PLCB1: variants seen among roughly 807,000 people sequenced by gnomAD.
PLCB1 encodes phospholipase C beta 1.
Under a neutral mutation model 161.8 loss-of-function variants are expected in PLCB1, and 46 were observed. The observed-to-expected ratio is 0.28, with a 90% CI of 0.22 to 0.36. The LOEUF (loss-of-function observed/expected upper bound fraction) is 0.36. Ranked by LOEUF, PLCB1 falls within the 10% of genes least tolerant of loss-of-function variation. PLCB1 has a pLI of 1.00. For missense variants in PLCB1, 1,016 were observed against 1,472.5 expected (o/e 0.69, Z 5.07); for synonymous variants, 517 against 503.7 (o/e 1.03, Z -0.35).
rs558810310 is a variant in PLCB1 at position 8,678,647 on chromosome 20, G to T, written c.863-6285G>T. ...ACATCAAGAGCAAATCACACAGGTG[G>T]CTTCTTAGCTCCCCTTGGTGACTCC... On this transcript the variant is annotated intron_variant, in intron 9 of 31. Transcript: ENST00000338037. Among the ~76,000 whole-genome samples, 7 of 152,276 alleles carry T rather than the reference G, an allele frequency of 4.6e-5. No individual in the cohort carries two copies. The South Asian group carries it at 1.4e-3, about 32-fold the overall frequency.
At chr20:8,175,914 G>A (rs1025486571) in intron 2 of PLCB1, among the ~76,000 whole-genome samples, 1 of 152,148 alleles carries the variant, frequency 6.6e-6, no homozygotes, top group African/African-American at 2.4e-5. Flanking sequence ...TGGCACATAA[G>A]CATATGAAAA....
chr20:8,162,722 C>T (rs990471356), intron 2 of PLCB1, among the ~76,000 whole-genome samples: 16 of 152,142 alleles, frequency 1.1e-4, no homozygotes, highest in Admixed American at 2.0e-4. Flanking sequence ...AAACAATGCA[C>T]CTGTGTGAAA....
At chr20:8,791,339 T>A (rs894712685) in intron 31 of PLCB1, among the ~76,000 whole-genome samples, 1 of 152,118 alleles carries the variant, frequency 6.6e-6, no homozygotes, top group Non-Finnish European at 1.5e-5. Context: ...ACTAATAAAG[T>A]GGAATAAATT....
chr20:8,385,092 T>C (rs1987384588), intron 3 of PLCB1, among the ~76,000 whole-genome samples: 1 of 152,216 alleles, frequency 6.6e-6, no homozygotes, highest in Non-Finnish European at 1.5e-5. Flanking sequence ...AGAAACCCAC[T>C]CTTCTGGGCT....
At chr20:8,667,704 G>C (rs888597365) in intron 9 of PLCB1, among the ~76,000 whole-genome samples, 11 of 152,154 alleles carry the variant, frequency 7.2e-5, no homozygotes, top group Non-Finnish European at 1.3e-4. Context: ...ACAGTAAAAG[G>C]CAAAATCAAA....
At chr20:8,138,616 GC>G (rs1298490696) in intron 1 of PLCB1, among the ~76,000 whole-genome samples, 2 of 152,120 alleles carry the variant, frequency 1.3e-5, no homozygotes, top group African/African-American at 4.8e-5. Flanking sequence ...CCTAAGCAGA[GC>G]CTTGTGCCCC....
chr20:8,724,290 A>C (rs1015792415), intron 15 of PLCB1, among the ~76,000 whole-genome samples: 2 of 152,146 alleles, frequency 1.3e-5, no homozygotes, highest in Admixed American at 1.3e-4. Context: ...GCTATAGCTC[A>C]GTGCTTCTCA....
intron 3 of PLCB1, among the ~76,000 whole-genome samples, chr20:8,438,680 T>C (rs1315394148): frequency 6.6e-6 from 1 of 152,180 alleles, no homozygotes; most frequent in African/African-American, 2.4e-5. Context: ...CCTGGCCAAG[T>C]ACCCCCTAGC....
At chr20:8,727,286 TG>T (rs1324812966) in intron 16 of PLCB1, 22 bp from the exon 17 acceptor site, 1 of 1,292,586 alleles carries the variant, frequency 7.7e-7, no homozygotes, top group Admixed American at 1.9e-5. Context: ...TCCCCTTTTT[TG>T]TTTTGTTGTT....
At chr20:8,534,930 T>C (rs1323759546) in intron 3 of PLCB1, among the ~76,000 whole-genome samples, 1 of 152,076 alleles carries the variant, frequency 6.6e-6, no homozygotes, top group Non-Finnish European at 1.5e-5. Flanking sequence ...TGCATCATGT[T>C]GAAACAATTT....
intron 2 of PLCB1, among the ~76,000 whole-genome samples, chr20:8,236,301 C>A (rs528657622): frequency 5.9e-5 from 9 of 152,144 alleles, no homozygotes; most frequent in East Asian, 1.9e-4. Context: ...GAGGCTGAGG[C>A]AAGAGGATGG....
intron 3 of PLCB1, among the ~76,000 whole-genome samples, chr20:8,408,539 G>A (rs779492399): frequency 3.5e-4 from 53 of 151,724 alleles, no homozygotes; most frequent in Non-Finnish European, 5.2e-4. Context: ...AGATTATGGC[G>A]ACATAAATAT....
chr20:8,768,378 G>T (rs1336910762), intron 26 of PLCB1, among the ~76,000 whole-genome samples: 1 of 151,918 alleles, frequency 6.6e-6, no homozygotes, highest in Non-Finnish European at 1.5e-5. Flanking sequence ...GTGTGTCTTG[G>T]TCCAAATTTC....
At chr20:8,236,935 C>T (rs1262939560) in intron 2 of PLCB1, among the ~76,000 whole-genome samples, 1 of 151,936 alleles carries the variant, frequency 6.6e-6, no homozygotes, top group African/African-American at 2.4e-5. Context: ...TATTTTCACC[C>T]ATAAAATTTC....
chr20:8,306,889 A>G (rs1309752449), intron 2 of PLCB1, among the ~76,000 whole-genome samples: 1 of 152,244 alleles, frequency 6.6e-6, no homozygotes, highest in Non-Finnish European at 1.5e-5. Flanking sequence ...CAAATCCTCA[A>G]GAATTAAGCT....
At chr20:8,845,145 A>G (rs1322134109) in intron 31 of PLCB1, among the ~76,000 whole-genome samples, 1 of 152,096 alleles carries the variant, frequency 6.6e-6, no homozygotes, top group African/African-American at 2.4e-5. Context: ...AAAATAAAGT[A>G]CTAGATTATG....
intron 3 of PLCB1, among the ~76,000 whole-genome samples, chr20:8,455,224 A>G (rs1981248907): frequency 6.7e-6 from 1 of 149,706 alleles, no homozygotes; most frequent in Non-Finnish European, 1.5e-5. Context: ...GCTACTTGGG[A>G]GGCTGAGGGA....
intron 3 of PLCB1, among the ~76,000 whole-genome samples, chr20:8,583,855 A>G (rs1030207038): frequency 6.6e-6 from 1 of 152,156 alleles, no homozygotes; most frequent in Admixed American, 6.5e-5. Context: ...TTTACAGCTG[A>G]ATTCTACCAT....
At chr20:8,848,394 A>G (rs967006252) in intron 31 of PLCB1, among the ~76,000 whole-genome samples, 1 of 152,142 alleles carries the variant, frequency 6.6e-6, no homozygotes, top group East Asian at 1.9e-4. Context: ...CCAACCCTCC[A>G]GTCAGTTGAT....
Sources: allele counts gnomAD v4.1 joint callset (sites outside exome capture counted in the v4.1 genomes callset), GRCh38; gene constraint gnomAD v4.1.1; transcripts MANE v1.5; gene names NCBI Gene and HGNC (gene_info 2026-07-23, HGNC 2026-07-21).